The following ZNF154 variants were observed in gnomAD, a reference collection of about 807,000 sequenced individuals.
The protein encoded by ZNF154 is zinc finger protein 154.
ZNF154 carries 6 observed loss-of-function variants against 7.5 expected under a neutral mutation model. The observed-to-expected ratio is 0.80, with a 90% CI of 0.44 to 1.57. The LOEUF (loss-of-function observed/expected upper bound fraction) is 1.57. Ranked by LOEUF, ZNF154 falls within the 40% of genes most tolerant of loss-of-function variation. The pLI is 0.01. For missense variants in ZNF154, 485 were observed against 531.4 expected, an observed-to-expected ratio of 0.91 and a Z score of 0.86; for synonymous variants, 187 against 185.9, an observed-to-expected ratio of 1.01 and a Z score of -0.05.
intron 2 of ZNF154, among the ~76,000 whole-genome samples, chr19:57,703,136 A>G (rs1219135449): frequency 6.6e-6 from 1 of 152,200 alleles, no homozygotes; most frequent in Admixed American, 6.5e-5. Flanking sequence ...GATCGTTTGC[A>G]TGACAGTAGA....
At chr19:57,707,038 G>A (rs943882816) in intron 1 of ZNF154, among the ~76,000 whole-genome samples, 4 of 150,522 alleles carry the variant, frequency 2.7e-5, no homozygotes, top group African/African-American at 7.3e-5. Flanking sequence ...GCTTGAAGCC[G>A]GGAGGCGGAG....
In ZNF154 at chr19:57,702,214, A is replaced by C; in HGVS notation, c.735T>G (p.Tyr245Ter). ...HRRVHTGERP[Y>*]ECSECGKSFS... ...AGGATTTCCCACATTCACTGCACTC[A>C]TATGGCCTTTCCCCAGTGTGAACTC... Residue 245 changes from tyrosine to a stop codon, truncating the protein, a stop_gained, in exon 3 of 3, where the codon TAT (tyrosine) becomes TAG (stop). Transcript: ENST00000684351. LOFTEE classifies it low-confidence loss of function (END_TRUNC). 4 of 1,614,192 alleles carry C rather than the reference A, an allele frequency of 2.5e-6. No homozygotes were observed. Among genetic ancestry groups the C allele is most frequent in the Non-Finnish European group, 3.4e-6 (4 of 1,180,016 alleles).
Position 57,702,520 on chromosome 19 carries a change from G to C in ZNF154, c.429C>G (p.Ser143Arg). 1 of 1,614,168 alleles carries C rather than the reference G, an allele frequency of 6.2e-7. No individual in the cohort carries two copies. Among genetic ancestry groups the C allele is most frequent in the Middle Eastern group, 1.6e-4 (1 of 6,062 alleles). ...YNCGEHTKAF[S>R]GKHTLVQQQR... is the part of the protein sequence containing the mutation. The stretch of plus-strand genomic sequence containing the variant: ...GCTGCTGAACAAGTGTGTGTTTACC[G>C]CTGAATGCTTTTGTGTGTTCTCCAC... The change falls in exon 3 of 3, where the codon AGC becomes AGG. Residue 143 changes from serine (S) to arginine (R), a missense_variant. By Grantham distance (110) the Ser-to-Arg change is moderately radical. Coordinates refer to ENST00000684351, the MANE Select transcript of ZNF154 (RefSeq NM_001085384.3).
rs1339977782 is a variant in ZNF154, at chr19:57,699,486, A to T, written c.*2149T>A. 1 of 361,634 alleles carries T rather than the reference A, an allele frequency of 2.8e-6. No homozygotes were observed. Among genetic ancestry groups the T allele is most frequent in the Non-Finnish European group, 5.7e-6 (1 of 175,744 alleles). 22.4% of individuals were successfully genotyped at this position (361,634 alleles called of 1,614,324 possible). On this transcript the variant is annotated 3_prime_UTR_variant, in exon 3 of 3. Coordinates refer to ENST00000684351, the MANE Select transcript of ZNF154 (RefSeq NM_001085384.3). Reference sequence around the variant, plus strand: ...GGAACTGCTAACGAATGTACAGTGCAGTGGTGGTTCAAGAAGTTTTGCAAA... The same window carrying T: ...GGAACTGCTAACGAATGTACAGTGCTGTGGTGGTTCAAGAAGTTTTGCAAA...
At chr19:57,706,369 T>A (rs1985392063) in intron 1 of ZNF154, among the ~76,000 whole-genome samples, 1 of 152,072 alleles carries the variant, frequency 6.6e-6, no homozygotes, top group South Asian at 2.1e-4. Context: ...TGCTAGCCCC[T>A]CAGCAGTAAC....
At position 57,698,404 on chromosome 19, in the gene ZNF154, G is replaced by A. The variant is rs1984986011; in HGVS notation, c.*3231C>T. On this transcript the variant is annotated 3_prime_UTR_variant, in exon 3 of 3. Coordinates refer to ENST00000684351, the MANE Select transcript of ZNF154 (RefSeq NM_001085384.3). Reference sequence around the variant, plus strand: ...TACATTTTATTTTCTACATTCTTGAGGTTATTCGTGGCCACTGTATCAGTA... The same window carrying A: ...TACATTTTATTTTCTACATTCTTGAAGTTATTCGTGGCCACTGTATCAGTA... 2 of 152,108 alleles carry A rather than the reference G, an allele frequency of 1.3e-5. No individual in the cohort carries two copies. Among genetic ancestry groups the A allele is most frequent in the African/African-American group, 2.4e-5 (1 of 41,402 alleles). The allele number at this position is 152,108 out of a possible 1,614,324, so 9.4% of individuals were successfully genotyped here.
chr19:57,708,663 A>G (rs560344070), intron 1 of ZNF154, among the ~76,000 whole-genome samples: 2 of 152,276 alleles, frequency 1.3e-5, no homozygotes, highest in African/African-American at 2.4e-5. Flanking sequence ...GTACAACCCT[A>G]GGAGTAACTC....
At position 57,702,086 on chromosome 19, in the gene ZNF154, A is replaced by G; in HGVS notation, c.863T>C (p.Leu288Pro). The part of the protein sequence containing the change: ...CGKFFTYHSS[L>P]IKHQKVHSGS... ...ACTGTGAACTTTCTGGTGTTTTATG[A>G]GACTGGAATGATATGTAAAAAACTT... The change falls in exon 3 of 3, where the codon CTC becomes CCC. Residue 288 changes from leucine (L) to proline (P), a missense_variant. Coordinates refer to ENST00000684351, the MANE Select transcript of ZNF154 (RefSeq NM_001085384.3). 2 of 1,612,430 alleles carry G rather than the reference A, an allele frequency of 1.2e-6. No homozygotes were observed. Among genetic ancestry groups the G allele is most frequent in the Non-Finnish European group, 8.5e-7 (1 of 1,179,836 alleles).
rs747499889 is a variant in ZNF154 at position 57,697,052 on chromosome 19, CTTG to C, written c.*4580_*4582del. Among the ~76,000 whole-genome samples, 40 of 152,272 alleles carry C rather than the reference CTTG, an allele frequency of 2.6e-4. No homozygotes were observed. Among genetic ancestry groups the C allele is most frequent in the Non-Finnish European group, 3.5e-4 (24 of 68,018 alleles). ...GTGCTGTCAAATTCGTATTTGAGGA[CTTG>C]TTGTTGTTTATCTTGAAAACGTGTG... On this transcript the variant is annotated 3_prime_UTR_variant, in exon 3 of 3. Coordinates refer to ENST00000684351, the MANE Select transcript of ZNF154 (RefSeq NM_001085384.3).
chr19:57,697,249 GTATT>G lies in ZNF154; in HGVS notation c.*4382_*4385del. The G allele has an allele frequency of 6.6e-6, 1 of 152,258 alleles. No individual in the cohort carries two copies. Among genetic ancestry groups the G allele is most frequent in the African/African-American group, 2.4e-5 (1 of 41,548 alleles). 9.4% of individuals were successfully genotyped at this position (152,258 alleles called of 1,614,324 possible). ...GATTTCTGGGTTGGGAGAAGGTTTTGTATTTATTTCACTGTTGCCATCACACACC... is the reference window on the plus strand; with the variant it reads ...GATTTCTGGGTTGGGAGAAGGTTTTGTATTTCACTGTTGCCATCACACACC... On this transcript the variant is annotated 3_prime_UTR_variant, in exon 3 of 3. Coordinates refer to ENST00000684351, the MANE Select transcript of ZNF154 (RefSeq NM_001085384.3).
rs986637617 is a variant in ZNF154, at chr19:57,697,807, C to T, written c.*3828G>A. On this transcript the variant is annotated 3_prime_UTR_variant, in exon 3 of 3. Transcript: ENST00000684351. ...GAGAAAGGTTCATCTGGCTTCATAA[C>T]AGTCTTTTCCATCTTTTTTTGTAAT... 2.0e-5 allele frequency: 3 copies of T among 152,048 alleles called. No individual in the cohort carries two copies. The highest frequency in any genetic ancestry group is 4.8e-5 in the African/African-American group (2 of 41,418). 9.4% of individuals were successfully genotyped at this position (152,048 alleles called of 1,614,324 possible). A position where few individuals can be genotyped will look rare whatever the true frequency, so the allele number is the denominator to read the frequency against.
chr19:57,706,236 TAGC>T (rs1985384495), intron 1 of ZNF154, among the ~76,000 whole-genome samples: 1 of 152,128 alleles, frequency 6.6e-6, no homozygotes, highest in South Asian at 2.1e-4. Flanking sequence ...CCACTAGTGG[TAGC>T]AGCCCCAAAT....
Position 57,697,834 on chromosome 19 carries a change from GAACACAGCTGT to G in ZNF154, c.*3790_*3800del, listed in dbSNP as rs1424206645. ...GTCTTTTCCATCTTTTTTTGTAATT[GAACACAGCTGT>G]AACAGGAGACAAAATATGTCATTGT... is the stretch of plus-strand genomic sequence containing the variant. On this transcript the variant is annotated 3_prime_UTR_variant, in exon 3 of 3. Transcript: ENST00000684351. 6.6e-6 allele frequency: 1 copy of G among 151,930 alleles called. No homozygotes were observed. Among genetic ancestry groups the G allele is most frequent in the Non-Finnish European group, 1.5e-5 (1 of 67,968 alleles). 9.4% of individuals were successfully genotyped at this position (151,930 alleles called of 1,614,324 possible). A position where few individuals can be genotyped will look rare whatever the true frequency, so the allele number is the denominator to read the frequency against.
chr19:57,706,304 G>A (rs1985386986), intron 1 of ZNF154, among the ~76,000 whole-genome samples: 2 of 152,132 alleles, frequency 1.3e-5, no homozygotes. Flanking sequence ...AGGCCACACA[G>A]AACCACATGT....
rs1343500433 is a variant in ZNF154, at chr19:57,699,101, T to G, written c.*2534A>C. 1.3e-5 allele frequency: 2 copies of G among 152,002 alleles called. No homozygotes were observed. Among genetic ancestry groups the G allele is most frequent in the African/African-American group, 2.4e-5 (1 of 41,372 alleles). The allele number at this position is 152,002 out of a possible 1,614,324, so 9.4% of individuals were successfully genotyped here. A position where few individuals can be genotyped will look rare whatever the true frequency, so the allele number is the denominator to read the frequency against. ...GCCACCGCATCTGGCCTCTTTTTTT[T>G]GAGACGGAGTCTTGTTTTGTCTGTC... On this transcript the variant is annotated 3_prime_UTR_variant, in exon 3 of 3. Coordinates refer to ENST00000684351, the MANE Select transcript of ZNF154 (RefSeq NM_001085384.3).
intron 1 of ZNF154, among the ~76,000 whole-genome samples, chr19:57,707,995 G>A (rs546763441): frequency 3.3e-5 from 5 of 152,100 alleles, no homozygotes; most frequent in Non-Finnish European, 5.9e-5. Context: ...CTGAGGGACC[G>A]AACACTCTCC....
At chr19:57,708,213 C>T (rs1985471507) in intron 1 of ZNF154, among the ~76,000 whole-genome samples, 1 of 152,200 alleles carries the variant, frequency 6.6e-6, no homozygotes, top group South Asian at 2.1e-4. Flanking sequence ...CTCCCACTAT[C>T]TCAATGTCCT....
intron 2 of ZNF154, among the ~76,000 whole-genome samples, chr19:57,703,208 C>CCGGGTG (rs1985252573): frequency 6.6e-6 from 1 of 151,918 alleles, no homozygotes; most frequent in Non-Finnish European, 1.5e-5. Flanking sequence ...CAAGAATGGG[C>CCGGGTG]CGGGTGCGGT....
At chr19:57,707,279 C>G (rs1985433310) in intron 1 of ZNF154, among the ~76,000 whole-genome samples, 3 of 152,244 alleles carry the variant, frequency 2.0e-5, no homozygotes, top group South Asian at 4.1e-4. Flanking sequence ...CTTAATGTCT[C>G]TGAAACATCT....
Sources: allele counts gnomAD v4.1 joint callset (sites outside exome capture counted in the v4.1 genomes callset), GRCh38; gene constraint gnomAD v4.1.1; transcripts MANE v1.5; gene names NCBI Gene and HGNC (gene_info 2026-07-23, HGNC 2026-07-21).